Variants in MGMT observed in about 807,000 individuals in gnomAD.
MGMT encodes methylated-DNA--protein-cysteine methyltransferase.
Under a neutral mutation model 15.9 loss-of-function variants are expected in MGMT, and 14 were observed. That is an observed-to-expected ratio of 0.88 (90% CI 0.58 to 1.37). MGMT has a LOEUF of 1.37. Among genes scored for constraint, MGMT ranks in the 40% most tolerant of loss-of-function variants. The pLI is 0.00. For missense variants in MGMT, 282 were observed against 268.1 expected, an observed-to-expected ratio of 1.05 and a Z score of -0.36; for synonymous variants, 130 against 118.2, an observed-to-expected ratio of 1.10 and a Z score of -0.65.
chr10:129,567,346 C>T (rs1846368016), intron 2 of MGMT, among the ~76,000 whole-genome samples: 1 of 152,082 alleles, frequency 6.6e-6, no homozygotes, highest in Admixed American at 6.6e-5. Context: ...ATAGACCCAG[C>T]AGGACAGACC....
intron 3 of MGMT, among the ~76,000 whole-genome samples, chr10:129,718,660 C>T (rs764523055): frequency 9.2e-5 from 14 of 152,188 alleles, no homozygotes; most frequent in African/African-American, 1.7e-4. Context: ...GTCACCTTCC[C>T]GGGCTGTCAA....
intron 1 of MGMT, among the ~76,000 whole-genome samples, chr10:129,481,311 C>T (rs542584981): frequency 1.3e-5 from 2 of 152,314 alleles, no homozygotes; most frequent in East Asian, 3.9e-4. Flanking sequence ...TGGATAAATG[C>T]CCACCTGGAC....
intron 2 of MGMT, among the ~76,000 whole-genome samples, chr10:129,594,166 G>A (rs1056921324): frequency 4.6e-5 from 7 of 152,194 alleles, no homozygotes; most frequent in Admixed American, 6.5e-5. Flanking sequence ...TGATGCATGA[G>A]GCTAGAAACA....
At chr10:129,581,106 C>T (rs980836319) in intron 2 of MGMT, among the ~76,000 whole-genome samples, 3 of 152,140 alleles carry the variant, frequency 2.0e-5, no homozygotes, top group South Asian at 2.1e-4. Context: ...GAAACAGCTG[C>T]GTTGGTGGAT....
At chr10:129,638,605 A>G (rs1459818974) in intron 2 of MGMT, among the ~76,000 whole-genome samples, 1 of 152,128 alleles carries the variant, frequency 6.6e-6, no homozygotes, top group Non-Finnish European at 1.5e-5. Flanking sequence ...TGAATGTAAG[A>G]AGAGAATGGA....
intron 3 of MGMT, among the ~76,000 whole-genome samples, chr10:129,754,277 A>G (rs1848781148): frequency 6.6e-6 from 1 of 152,136 alleles, no homozygotes; most frequent in Non-Finnish European, 1.5e-5. Flanking sequence ...AGTCCCCTGG[A>G]CAGACAGCTG....
chr10:129,609,744 T>C lies in MGMT; in HGVS notation c.125+73367T>C, dbSNP rs548497039. Among the ~76,000 whole-genome samples, 425 of 152,268 alleles carry C rather than the reference T, an allele frequency of 2.8e-3. 2 individuals carry two copies. Among genetic ancestry groups the C allele is most frequent in the African/African-American group, 9.6e-3 (399 of 41,552 alleles). ...AGGCTGGAAGCGCTTCCCTGAACACTGTAGGAAGTGTTGCAGGAGAGCGGA... is the reference window on the plus strand; with the variant it reads ...AGGCTGGAAGCGCTTCCCTGAACACCGTAGGAAGTGTTGCAGGAGAGCGGA... On this transcript the variant is annotated intron_variant, in intron 2 of 4. Transcript: ENST00000651593.
chr10:129,494,817 T>C (rs1039422933), intron 1 of MGMT, among the ~76,000 whole-genome samples: 1 of 152,188 alleles, frequency 6.6e-6, no homozygotes, highest in Non-Finnish European at 1.5e-5. Context: ...TCTTTGCTTG[T>C]TTGTATTTAT....
chr10:129,610,021 C>T (rs984725204), intron 2 of MGMT, among the ~76,000 whole-genome samples: 1 of 152,162 alleles, frequency 6.6e-6, no homozygotes, highest in African/African-American at 2.4e-5. Flanking sequence ...TAGGCAGACA[C>T]TGAGAGTTTT....
chr10:129,541,681 T>C (rs1472836401), intron 2 of MGMT, among the ~76,000 whole-genome samples: 1 of 152,216 alleles, frequency 6.6e-6, no homozygotes, highest in Non-Finnish European at 1.5e-5. Flanking sequence ...TTTCATTCTT[T>C]TATTTTTTTC....
intron 2 of MGMT, among the ~76,000 whole-genome samples, chr10:129,584,501 T>G (rs536540853): frequency 1.3e-5 from 2 of 152,300 alleles, no homozygotes; most frequent in East Asian, 1.9e-4. Context: ...ATTTACCCAT[T>G]TAAATTGTAC....
Position 129,726,328 on chromosome 10 carries a change from C to G in MGMT, c.274+18285C>G, listed in dbSNP as rs201948352. Among the ~76,000 whole-genome samples the G allele has an allele frequency of 2.6e-5, 4 of 152,212 alleles. No individual in the cohort carries two copies. In the East Asian group the frequency reaches 7.8e-4, roughly 30 times the overall value. On this transcript the variant is annotated intron_variant, in intron 3 of 4. Coordinates refer to ENST00000651593, the MANE Select transcript of MGMT (RefSeq NM_002412.5). ...TCTCTGCTGGCCAGGTCCTTGATGG[C>G]ACAGGGCCACGTGCAGGTGGAGTCC...
intron 2 of MGMT, among the ~76,000 whole-genome samples, chr10:129,695,435 T>C (rs958118013): frequency 1.3e-5 from 2 of 152,214 alleles, no homozygotes; most frequent in African/African-American, 4.8e-5. Flanking sequence ...TGAGCCCAAG[T>C]ATACAAGTTA....
chr10:129,513,584 G>A (rs570213380), intron 1 of MGMT, among the ~76,000 whole-genome samples: 3 of 152,220 alleles, frequency 2.0e-5, no homozygotes, highest in South Asian at 2.1e-4. Flanking sequence ...GGCAGGAAAC[G>A]TGACCCCGCG....
intron 1 of MGMT, among the ~76,000 whole-genome samples, chr10:129,520,670 C>T (rs748496506): frequency 1.2e-4 from 18 of 151,818 alleles, no homozygotes; most frequent in Non-Finnish European, 2.1e-4. Context: ...AGTGTATGTG[C>T]AGAGCCCCTA....
chr10:129,498,426 G>A lies in MGMT; in HGVS notation c.-13+31130G>A, dbSNP rs541118678. On this transcript the variant is annotated intron_variant, in intron 1 of 4. Coordinates refer to ENST00000651593, the MANE Select transcript of MGMT (RefSeq NM_002412.5). ...TTACTGTACTGTTTCCCTAATGTTT[G>A]TATTTCCCTCCTTCCCTTTTCATTT... 2.0e-5 allele frequency among the ~76,000 whole-genome samples: 3 copies of A among 152,314 alleles called. No homozygotes were observed. In the East Asian group the frequency reaches 5.8e-4, roughly 29 times the overall value.
chr10:129,748,075 A>G (rs1848713808), intron 3 of MGMT, among the ~76,000 whole-genome samples: 1 of 152,006 alleles, frequency 6.6e-6, no homozygotes, highest in Non-Finnish European at 1.5e-5. Flanking sequence ...ACCTTCCCCC[A>G]TCTCCCCTGC....
At chr10:129,612,240 T>C (rs1276559071) in intron 2 of MGMT, among the ~76,000 whole-genome samples, 1 of 152,150 alleles carries the variant, frequency 6.6e-6, no homozygotes, top group African/African-American at 2.4e-5. Context: ...AAGTTCTTAT[T>C]TGTGGAGGAA....
At chr10:129,509,784 C>T (rs76672071) in intron 1 of MGMT, among the ~76,000 whole-genome samples, 10,473 of 152,252 alleles carry the variant, frequency 0.069, 1,208 homozygotes, top group African/African-American at 0.24. Flanking sequence ...TTTAATCAAA[C>T]CTAACTTCTG....
Sources: allele counts gnomAD v4.1 joint callset (sites outside exome capture counted in the v4.1 genomes callset), GRCh38; gene constraint gnomAD v4.1.1; transcripts MANE v1.5; gene names NCBI Gene and HGNC (gene_info 2026-07-23, HGNC 2026-07-21).